Variants in NIPBL observed in about 807,000 individuals in gnomAD.
NIPBL encodes nipped-B-like protein.
Under a neutral mutation model 321.8 loss-of-function variants are expected in NIPBL, and 19 were observed. The ratio of observed to expected loss-of-function variants is 0.06; its 90% confidence interval spans 0.04 to 0.09. The LOEUF (loss-of-function observed/expected upper bound fraction) is 0.09. Ranked by LOEUF, NIPBL falls within the 10% of genes least tolerant of loss-of-function variation. The pLI, the probability that NIPBL is intolerant of heterozygous loss-of-function variation, is 1.00. For synonymous variants in NIPBL, 1,106 were observed against 1,114.1 expected, an observed-to-expected ratio of 0.99 and a Z score of 0.14; for missense variants, 2,210 against 3,327.0, an observed-to-expected ratio of 0.66 and a Z score of 8.26.
chr5:36,960,683 C>CA (rs942396100), intron 4 of NIPBL, among the ~76,000 whole-genome samples: 12 of 151,798 alleles, frequency 7.9e-5, no homozygotes, highest in Non-Finnish European at 1.6e-4. Context: ...TTGCAGCTGC[C>CA]AAAAAAGAGA....
rs1452869886 is a variant in NIPBL, at chr5:36,976,211, C to T, written c.1304C>T (p.Pro435Leu). Reference sequence around the variant, plus strand: ...GCATTCCTTCCAGCAAATCAAGTGCCTGTTTTACAACAGAACACTTCAGTT... The same window carrying T: ...GCATTCCTTCCAGCAAATCAAGTGCTTGTTTTACAACAGAACACTTCAGTT... The part of the protein sequence containing the change: ...QTAFLPANQV[P>L]VLQQNTSVAA... Residue 435 changes from proline to leucine, a missense_variant, in exon 9 of 47, where the codon CCT becomes CTT. By Grantham distance (98) the Pro-to-Leu change is moderately conservative (BLOSUM62 -3). Coordinates refer to ENST00000282516, the MANE Select transcript of NIPBL (RefSeq NM_133433.4). 1 of 1,613,170 alleles carries T rather than the reference C, an allele frequency of 6.2e-7. No individual in the cohort carries two copies. The highest frequency in any genetic ancestry group is 8.5e-7 in the Non-Finnish European group (1 of 1,179,584).
intron 30 of NIPBL, among the ~76,000 whole-genome samples, chr5:37,024,958 A>G (rs1750089050): frequency 6.6e-6 from 1 of 152,214 alleles, no homozygotes; most frequent in African/African-American, 2.4e-5. Context: ...AAGACTGGCC[A>G]TAGTAGCTCA....
At chr5:36,968,509 C>T (rs985121808) in intron 6 of NIPBL, among the ~76,000 whole-genome samples, 9 of 151,708 alleles carry the variant, frequency 5.9e-5, no homozygotes, top group African/African-American at 2.2e-4. Flanking sequence ...GCGGAGCTTG[C>T]AGTGAGCCGA....
chr5:36,997,529 G>A (rs565778407), intron 11 of NIPBL, among the ~76,000 whole-genome samples: 2 of 152,148 alleles, frequency 1.3e-5, no homozygotes, highest in South Asian at 2.1e-4. Context: ...ACATAGCTTC[G>A]TTATAAAGCC....
chr5:36,964,269 C>G (rs182318802), intron 6 of NIPBL, among the ~76,000 whole-genome samples: 71 of 151,824 alleles, frequency 4.7e-4, no homozygotes, highest in African/African-American at 1.6e-3. Flanking sequence ...TATATGGAAC[C>G]AAAAAAGACC....
At chr5:36,913,336 T>C (rs1748195829) in intron 1 of NIPBL, among the ~76,000 whole-genome samples, 1 of 152,062 alleles carries the variant, frequency 6.6e-6, no homozygotes, top group Non-Finnish European at 1.5e-5. Flanking sequence ...TAAGTGCTTC[T>C]TATGTAAAAA....
chr5:36,917,734 C>T (rs190324383), intron 1 of NIPBL, among the ~76,000 whole-genome samples: 19 of 152,300 alleles, frequency 1.2e-4, no homozygotes, highest in African/African-American at 4.1e-4. Context: ...TTTCAACTTT[C>T]TACATATGGC....
chr5:36,951,281 T>C (rs1284982937), intron 1 of NIPBL, among the ~76,000 whole-genome samples: 1 of 152,140 alleles, frequency 6.6e-6, no homozygotes, highest in African/African-American at 2.4e-5. Context: ...CTCTATTTGT[T>C]ACTCACCTGG....
intron 33 of NIPBL, 113 bp downstream of exon 33, chr5:37,036,600 C>T: frequency 2.9e-6 from 1 of 348,388 alleles, no homozygotes; most frequent in Non-Finnish European, 5.3e-6. Flanking sequence ...ATGATTACTT[C>T]ACTTTTAAAT....
intron 1 of NIPBL, among the ~76,000 whole-genome samples, chr5:36,916,167 T>C (rs550317596): frequency 7.2e-4 from 109 of 152,378 alleles, no homozygotes; most frequent in Non-Finnish European, 1.3e-3. Flanking sequence ...TGAAGTTTCC[T>C]AATAAAAGTA....
Position 36,984,994 on chromosome 5 carries a change from A to G in NIPBL, c.1814A>G (p.Asp605Gly), listed in dbSNP as rs754496859. 1.9e-6 allele frequency: 3 copies of G among 1,613,826 alleles called. No individual in the cohort carries two copies. The highest frequency in any genetic ancestry group is 2.5e-6 in the Non-Finnish European group (3 of 1,179,968). ...CCTGAGACACCTAAAAAAAAGTCTGATCCTGAGCTTTCAAAGAGTGAAATG... is the reference window on the plus strand; with the variant it reads ...CCTGAGACACCTAAAAAAAAGTCTGGTCCTGAGCTTTCAAAGAGTGAAATG... Reference protein sequence around the residue: ...NHPETPKKKSDPELSKSEMKQ... With the variant: ...NHPETPKKKSGPELSKSEMKQ... Residue 605 changes from aspartate to glycine, a missense_variant, in exon 10 of 47, where the codon GAT becomes GGT. Asp to Gly is a moderately conservative substitution (Grantham distance 94). Coordinates refer to ENST00000282516, the MANE Select transcript of NIPBL (RefSeq NM_133433.4).
chr5:37,056,661 CTAT>C (rs1754121787), intron 42 of NIPBL, among the ~76,000 whole-genome samples: 1 of 152,118 alleles, frequency 6.6e-6, no homozygotes, highest in East Asian at 1.9e-4. Flanking sequence ...TGTATTAGTA[CTAT>C]AATTACTAGT....
At chr5:36,942,597 G>C (rs1393645354) in intron 1 of NIPBL, among the ~76,000 whole-genome samples, 1 of 151,534 alleles carries the variant, frequency 6.6e-6, no homozygotes, top group African/African-American at 2.4e-5. Context: ...AAAATTAGCT[G>C]GGGGGTGGTG....
chr5:36,877,667 C>T (rs1208443959), intron 1 of NIPBL, among the ~76,000 whole-genome samples: 2 of 152,214 alleles, frequency 1.3e-5, no homozygotes, highest in Non-Finnish European at 2.9e-5. Context: ...CCCTTCTTCC[C>T]CCTGTGACCC....
At chr5:36,899,675 A>G (rs1747053689) in intron 1 of NIPBL, among the ~76,000 whole-genome samples, 1 of 152,180 alleles carries the variant, frequency 6.6e-6, no homozygotes, top group Non-Finnish European at 1.5e-5. Flanking sequence ...CTGATTTTGT[A>G]TTTTAGCCCC....
chr5:37,044,477 A>G lies in NIPBL; in HGVS notation c.6239A>G (p.Tyr2080Cys). Residue 2080 changes from tyrosine (Y) to cysteine (C), a missense_variant, in exon 35 of 47, where the codon TAT (tyrosine) becomes TGT (cysteine). By Grantham distance (194) the Tyr-to-Cys change is radical. Coordinates refer to ENST00000282516, the MANE Select transcript of NIPBL (RefSeq NM_133433.4). ...GATCTAATGAAGCTCATCATCAAATATGGCATGACTGTAAGCACTCAGTTT... is the reference window on the plus strand; with the variant it reads ...GATCTAATGAAGCTCATCATCAAATGTGGCATGACTGTAAGCACTCAGTTT... Reference protein sequence around the residue: ...EEDLMKLIIKYGMTVVQHCVS... With the variant: ...EEDLMKLIIKCGMTVVQHCVS... 2 of 1,613,962 alleles carry G rather than the reference A, an allele frequency of 1.2e-6. No homozygotes were observed. The highest frequency in any genetic ancestry group is 1.7e-6 in the Non-Finnish European group (2 of 1,179,884).
intron 1 of NIPBL, among the ~76,000 whole-genome samples, chr5:36,940,638 CTTTGT>C (rs1338252072): frequency 6.6e-6 from 1 of 152,008 alleles, no homozygotes; most frequent in Non-Finnish European, 1.5e-5. Context: ...TCTTGCAGCA[CTTTGT>C]TTTGTTTTGT....
intron 34 of NIPBL, among the ~76,000 whole-genome samples, chr5:37,042,230 T>A (rs1035483504): frequency 6.7e-6 from 1 of 149,424 alleles, no homozygotes; most frequent in Non-Finnish European, 1.5e-5. Flanking sequence ...AGGTCAGGAG[T>A]TCAAGACCAG....
intron 21 of NIPBL, among the ~76,000 whole-genome samples, chr5:37,013,696 C>T (rs1043658664): frequency 3.3e-5 from 5 of 151,890 alleles, no homozygotes; most frequent in African/African-American, 1.2e-4. Context: ...GGATGGCGGC[C>T]GGGCAGAGAT....
Sources: gnomAD v4.1 joint callset for allele counts (sites outside exome capture counted in the v4.1 genomes callset) on GRCh38, gnomAD v4.1.1 for gene constraint, MANE v1.5 for transcripts, NCBI Gene and HGNC (gene_info 2026-07-23, HGNC 2026-07-21) for gene names.